Variants in TIMM17A observed in about 807,000 individuals in gnomAD.
The protein encoded by TIMM17A is mitochondrial import inner membrane translocase subunit Tim17-A.
In TIMM17A, 15 loss-of-function variants were observed where a neutral mutation model predicts 26.5. The ratio of observed to expected loss-of-function variants is 0.57; its 90% CI spans 0.38 to 0.87. The LOEUF is 0.87. TIMM17A is among the 40% of genes least tolerant of loss of function. TIMM17A has a pLI of 0.00. For synonymous variants in TIMM17A, 80 were observed against 70.8 expected (o/e 1.13, Z -0.66); for missense variants, 201 against 210.0 (o/e 0.96, Z 0.27).
At chr1:201,961,745 A>G (rs1383985092) in intron 3 of TIMM17A, among the ~76,000 whole-genome samples, 3 of 152,150 alleles carry the variant, frequency 2.0e-5, no homozygotes, top group Non-Finnish European at 4.4e-5. Flanking sequence ...CTGTATATCT[A>G]TACATACTGA....
At chr1:201,960,663 A>C (rs1682507072) in intron 3 of TIMM17A, among the ~76,000 whole-genome samples, 1 of 152,100 alleles carries the variant, frequency 6.6e-6, no homozygotes, top group African/African-American at 2.4e-5. Context: ...TGATTTTATT[A>C]ATTTGGTGAG....
At chr1:201,967,148 A>C (rs1162737472) in intron 5 of TIMM17A, among the ~76,000 whole-genome samples, 2 of 151,876 alleles carry the variant, frequency 1.3e-5, no homozygotes, top group African/African-American at 4.8e-5. Context: ...AAAGTTAGGA[A>C]TAGATCATAC....
At chr1:201,969,372 T>A in intron 5 of TIMM17A, 97 bp from the exon 6 acceptor site, 1 of 967,504 alleles carries the variant, frequency 1.0e-6, no homozygotes, top group East Asian at 2.6e-5. Context: ...TAGCACATTT[T>A]TTTGTTGTTG....
At chr1:201,957,698 A>G (rs1682441021) in intron 3 of TIMM17A, 124 bp downstream of exon 3, 3 of 731,990 alleles carry the variant, frequency 4.1e-6, no homozygotes, top group Non-Finnish European at 6.8e-6. Flanking sequence ...TCACAAACAT[A>G]TATCCCTATA....
At chr1:201,959,541 C>T (rs1571603706) in intron 3 of TIMM17A, among the ~76,000 whole-genome samples, 1 of 151,906 alleles carries the variant, frequency 6.6e-6, no homozygotes, top group South Asian at 2.1e-4. Context: ...GTAATCCCAG[C>T]TACTCAGGAG....
rs1682714742 is a variant in TIMM17A at position 201,970,446 on chromosome 1, AGTG to A, written c.*893_*895del. ...AACAGGTCATTTTCCTGATATTGGAAGTGACATGTGGCCCTATAGGAGGCATGA... is the reference window on the plus strand; with the variant it reads ...AACAGGTCATTTTCCTGATATTGGAAACATGTGGCCCTATAGGAGGCATGA... On this transcript the variant is annotated 3_prime_UTR_variant, in exon 6 of 6. Coordinates refer to ENST00000367287, the MANE Select transcript of TIMM17A (RefSeq NM_006335.3). The A allele has an allele frequency of 6.6e-6, 1 of 152,204 alleles. No individual in the cohort carries two copies. The highest frequency in any genetic ancestry group is 2.4e-5 in the African/African-American group (1 of 41,446). The allele number at this position is 152,204 out of a possible 1,614,324, so 9.4% of individuals were successfully genotyped here. A position where few individuals can be genotyped will look rare whatever the true frequency, so the allele number is the denominator to read the frequency against.
chr1:201,967,717 A>AT (rs1682660848), intron 5 of TIMM17A, among the ~76,000 whole-genome samples: 1 of 150,912 alleles, frequency 6.6e-6, no homozygotes, highest in Non-Finnish European at 1.5e-5. Context: ...TAATTTTTAT[A>AT]TTTTTTGTAG....
Position 201,965,641 on chromosome 1 carries a change from A to G in TIMM17A, c.430+98A>G, listed in dbSNP as rs186362862. The G allele has an allele frequency of 1.7e-4, 142 of 826,866 alleles. 1 individual carries two copies. The highest frequency in any genetic ancestry group is 6.0e-4 in the Admixed American group (29 of 48,324). The allele number at this position is 826,866 out of a possible 1,614,324, so 51.2% of individuals were successfully genotyped here. ...TTGTGTGATAAAATGTGTGGTATGTATTAATATGCTGTGGTTCATGAGGAC... is the reference window on the plus strand; with the variant it reads ...TTGTGTGATAAAATGTGTGGTATGTGTTAATATGCTGTGGTTCATGAGGAC... On this transcript the variant is annotated intron_variant, in intron 5 of 5. Transcript: ENST00000367287.
chr1:201,965,460 C>T lies in TIMM17A; in HGVS notation c.347C>T (p.Ala116Val), dbSNP rs1260981443. 1 of 1,613,844 alleles carries T rather than the reference C, an allele frequency of 6.2e-7. No homozygotes were observed. Among genetic ancestry groups the T allele is most frequent in the Non-Finnish European group, 8.5e-7 (1 of 1,179,706 alleles). Residue 116 changes from alanine (A) to valine (V), a missense_variant, in exon 5 of 6, where the codon GCC becomes GTC. Physicochemically the swap from Ala to Val is moderately conservative, Grantham distance 64. Coordinates refer to ENST00000367287, the MANE Select transcript of TIMM17A (RefSeq NM_006335.3). Reference sequence around the variant, plus strand: ...GGACCAGTGGCCATGGTTGGGTCAGCCGCAATGGGTGGCATTCTCCTAGCT... The same window carrying T: ...GGACCAGTGGCCATGGTTGGGTCAGTCGCAATGGGTGGCATTCTCCTAGCT... Reference protein sequence around the residue: ...RNGPVAMVGSAAMGGILLALI... With the variant: ...RNGPVAMVGSVAMGGILLALI...
chr1:201,967,560 T>C (rs868757260), intron 5 of TIMM17A, among the ~76,000 whole-genome samples: 9 of 151,828 alleles, frequency 5.9e-5, no homozygotes, highest in Non-Finnish European at 8.8e-5. Flanking sequence ...ATTTTAATTT[T>C]TTTTGAAACA....
At position 201,961,332 on chromosome 1, in the gene TIMM17A, G is replaced by T. The variant is rs546211176; in HGVS notation, c.191-2284G>T. On this transcript the variant is annotated intron_variant, in intron 3 of 5. Coordinates refer to ENST00000367287, the MANE Select transcript of TIMM17A (RefSeq NM_006335.3). Reference sequence around the variant, plus strand: ...TCCACCCGTCTTGGCCTCCCAAAGTGCTAGGATCACAGGCGTGAGCCATCC... The same window carrying T: ...TCCACCCGTCTTGGCCTCCCAAAGTTCTAGGATCACAGGCGTGAGCCATCC... Among the ~76,000 whole-genome samples the T allele has an allele frequency of 1.2e-4, 19 of 152,168 alleles. No individual in the cohort carries two copies. The South Asian group carries it at 3.7e-3, about 30-fold the overall frequency.
At chr1:201,963,356 G>A (rs1682569160) in intron 3 of TIMM17A, 1 of 328,280 alleles carries the variant, frequency 3.0e-6, no homozygotes, top group Non-Finnish European at 5.5e-6. Context: ...GATTACAGGT[G>A]TGAGCTATGG....
intron 3 of TIMM17A, among the ~76,000 whole-genome samples, chr1:201,958,507 AG>A: frequency 6.6e-6 from 1 of 152,392 alleles, no homozygotes; most frequent in South Asian, 2.1e-4. Flanking sequence ...GTTCGAGACC[AG>A]CCTGGGCAGC....
At chr1:201,955,591 C>T (rs1158526999) in intron 1 of TIMM17A, 39 bp downstream of exon 1, 3 of 1,613,970 alleles carry the variant, frequency 1.9e-6, no homozygotes, top group Non-Finnish European at 2.5e-6. Context: ...TCTTGCCCCC[C>T]TGCCCACTGC....
chr1:201,966,991 T>TTATATGTGTGTGTGTG (rs572223784), intron 5 of TIMM17A, among the ~76,000 whole-genome samples: 278 of 133,092 alleles, frequency 2.1e-3, no homozygotes, highest in Non-Finnish European at 3.7e-3. Flanking sequence ...ATTATATATG[T>TTATATGTGTGTGTGTG]TGTGTGTGTG....
intron 3 of TIMM17A, among the ~76,000 whole-genome samples, chr1:201,960,301 G>T (rs933714453): frequency 6.6e-6 from 1 of 152,026 alleles, no homozygotes; most frequent in Non-Finnish European, 1.5e-5. Context: ...TCGGGAGACT[G>T]AGGGAGAAGA....
At chr1:201,957,681 CG>C (rs1682440774) in intron 3 of TIMM17A, 107 bp downstream of exon 3, 1 of 920,810 alleles carries the variant, frequency 1.1e-6, no homozygotes, top group African/African-American at 1.7e-5. Flanking sequence ...TTTGGTCTAA[CG>C]GTTTGTCACA....
chr1:201,967,611 C>T (rs891298638), intron 5 of TIMM17A, among the ~76,000 whole-genome samples: 10 of 151,510 alleles, frequency 6.6e-5, no homozygotes, highest in Admixed American at 4.6e-4. Flanking sequence ...GGTGCAATCT[C>T]GGCTCACTGC....
chr1:201,964,635 C>CT (rs570309464), intron 4 of TIMM17A, among the ~76,000 whole-genome samples: 1,145 of 90,686 alleles, frequency 0.013, 94 homozygotes, highest in East Asian at 0.031. Flanking sequence ...TATTTTATTT[C>CT]TTTTTTTTTT....
Sources: gnomAD v4.1 joint callset for allele counts (sites outside exome capture counted in the v4.1 genomes callset) on GRCh38, gnomAD v4.1.1 for gene constraint, MANE v1.5 for transcripts, NCBI Gene and HGNC (gene_info 2026-07-23, HGNC 2026-07-21) for gene names.